AGMO: variants seen among roughly 807,000 people sequenced by gnomAD.
AGMO encodes alkylglycerol monooxygenase.
In AGMO, 75 loss-of-function variants were observed where a neutral mutation model predicts 60.2. The observed-to-expected ratio is 1.25, with a 90% CI of 1.03 to 1.51. The LOEUF is 1.51. Ranked by LOEUF, AGMO falls within the 40% of genes most tolerant of loss-of-function variation. The probability of loss-of-function intolerance (pLI) is 0.00; values close to 1 mark genes in which losing one functional copy is unlikely to be tolerated. For synonymous variants in AGMO, 261 were observed against 177.1 expected (o/e 1.47, Z -3.76); for missense variants, 763 against 525.5 (o/e 1.45, Z -4.42).
the AGMO span, among the ~76,000 whole-genome samples, chr7:15,140,615 G>C: frequency 9.2e-5 from 14 of 151,756 alleles, no homozygotes; most frequent in Non-Finnish European, 1.8e-4. Context: ...AATTTCTTCA[G>C]ATAATATTTT....
In AGMO at chr7:15,555,522, C is replaced by T. The variant is rs76384675; in HGVS notation, c.257+4619G>A. On this transcript the variant is annotated intron_variant, in intron 2 of 12. Coordinates refer to ENST00000342526, the MANE Select transcript of AGMO (RefSeq NM_001004320.2). ...ATAAGAAAGATAATATTACCTTTAC[C>T]GTCTGCAAACAAATAAAATGCGTAC... Among the ~76,000 whole-genome samples the T allele has an allele frequency of 8.1e-3, 1,229 of 151,664 alleles. 53 individuals are homozygous for T. In the East Asian group the frequency reaches 0.13, roughly 16 times the overall value.
chr7:15,455,565 C>T (rs112790832), intron 3 of AGMO, among the ~76,000 whole-genome samples: 17 of 152,214 alleles, frequency 1.1e-4, no homozygotes, highest in African/African-American at 4.1e-4. Flanking sequence ...TTTATTCCTC[C>T]TTGTCTTGCT....
chr7:15,208,749 G>C (rs73054543), intron 12 of AGMO, among the ~76,000 whole-genome samples: 7,168 of 152,152 alleles, frequency 0.047, 217 homozygotes, highest in South Asian at 0.074. Flanking sequence ...ATAAGTTCTA[G>C]CTACAAGTAG....
chr7:15,338,628 TATATA>T (rs569060720), intron 12 of AGMO, among the ~76,000 whole-genome samples: 13 of 152,034 alleles, frequency 8.6e-5, no homozygotes, highest in South Asian at 2.1e-4. Flanking sequence ...TAATAAAATA[TATATA>T]ATATTTCTAA....
chr7:15,463,426 T>G (rs932956114), intron 3 of AGMO, among the ~76,000 whole-genome samples: 6 of 152,140 alleles, frequency 3.9e-5, no homozygotes, highest in African/African-American at 1.4e-4. Flanking sequence ...CCAGAACCTC[T>G]CTTACACACT....
chr7:15,513,067 G>C (rs891055326), intron 3 of AGMO, among the ~76,000 whole-genome samples: 2 of 152,092 alleles, frequency 1.3e-5, no homozygotes, highest in African/African-American at 4.8e-5. Context: ...ATTACACATA[G>C]TTGTTTCATA....
intron 4 of AGMO, among the ~76,000 whole-genome samples, chr7:15,421,125 G>A (rs573443619): frequency 1.3e-5 from 2 of 152,244 alleles, no homozygotes; most frequent in Admixed American, 1.3e-4. Context: ...AAACATATTT[G>A]CTATTGTAGA....
chr7:15,198,234 A>G (rs1303627227), downstream of AGMO, among the ~76,000 whole-genome samples: 7 of 114,740 alleles, frequency 6.1e-5, no homozygotes, highest in Non-Finnish European at 6.8e-5. Context: ...AGAGAGAGAG[A>G]GAGAGAGAGA....
At chr7:15,162,028 T>C in the AGMO span, among the ~76,000 whole-genome samples, 1 of 152,150 alleles carries the variant, frequency 6.6e-6, no homozygotes, top group Non-Finnish European at 1.5e-5. Flanking sequence ...GACTGGATCA[T>C]GGGGACGGTT....
At chr7:15,447,677 G>A (rs370725727) in intron 3 of AGMO, among the ~76,000 whole-genome samples, 2 of 151,896 alleles carry the variant, frequency 1.3e-5, no homozygotes, top group East Asian at 3.9e-4. Flanking sequence ...GAGCCTCGCA[G>A]GTAGCTGGGA....
At chr7:15,266,572 GAT>G (rs1032782250) in intron 12 of AGMO, among the ~76,000 whole-genome samples, 5 of 151,676 alleles carry the variant, frequency 3.3e-5, no homozygotes, top group Non-Finnish European at 4.4e-5. Flanking sequence ...TCTGCTCAGT[GAT>G]TGTCAGTTTC....
At chr7:15,256,995 C>A (rs1783117987) in intron 12 of AGMO, among the ~76,000 whole-genome samples, 1 of 152,074 alleles carries the variant, frequency 6.6e-6, no homozygotes, top group Non-Finnish European at 1.5e-5. Context: ...CAAAGAGGTG[C>A]ATTTCTTTTA....
intron 3 of AGMO, among the ~76,000 whole-genome samples, chr7:15,477,324 T>C (rs1194825931): frequency 1.3e-5 from 2 of 152,054 alleles, no homozygotes; most frequent in Non-Finnish European, 2.9e-5. Flanking sequence ...TAAAATGGGT[T>C]ATAAAATATG....
intron 12 of AGMO, among the ~76,000 whole-genome samples, chr7:15,338,260 A>T (rs1156678718): frequency 6.6e-6 from 1 of 152,202 alleles, no homozygotes; most frequent in African/African-American, 2.4e-5. Context: ...ACTGCTACCA[A>T]GTTGCAAAAC....
rs182433587 is a variant in AGMO at position 15,310,649 on chromosome 7, T to C, written c.1263+54865A>G. 3.4e-4 allele frequency among the ~76,000 whole-genome samples: 51 copies of C among 152,148 alleles called. 2 individuals are homozygous for C. The highest frequency in any genetic ancestry group is 3.0e-3 in the Admixed American group (46 of 15,270). Reference sequence around the variant, plus strand: ...CTACATTCTTTATAAAATGAGGGAGTGCTTCTATTTCTGGTAAGGCAGAGT... The same window carrying C: ...CTACATTCTTTATAAAATGAGGGAGCGCTTCTATTTCTGGTAAGGCAGAGT... On this transcript the variant is annotated intron_variant, in intron 12 of 12. Transcript: ENST00000342526.
intron 12 of AGMO, among the ~76,000 whole-genome samples, chr7:15,349,214 A>G (rs1242164091): frequency 2.0e-5 from 3 of 152,114 alleles, no homozygotes; most frequent in Admixed American, 6.6e-5. Flanking sequence ...ACCTGTTGTC[A>G]TTTACATTAA....
chr7:15,473,473 G>A (rs1184625629), intron 3 of AGMO, among the ~76,000 whole-genome samples: 1 of 151,758 alleles, frequency 6.6e-6, no homozygotes, highest in Non-Finnish European at 1.5e-5. Flanking sequence ...CAATATCCCT[G>A]CTGAACATCA....
chr7:15,519,291 C>G (rs1783912457), intron 3 of AGMO, among the ~76,000 whole-genome samples: 1 of 151,348 alleles, frequency 6.6e-6, no homozygotes, highest in African/African-American at 2.4e-5. Flanking sequence ...CATTCAAATT[C>G]AGGAAATACA....
the AGMO span, among the ~76,000 whole-genome samples, chr7:15,190,626 A>C: frequency 1.3e-5 from 2 of 152,160 alleles, no homozygotes; most frequent in African/African-American, 4.8e-5. Context: ...CTCCCTTCTA[A>C]GGTTGTCCCC....
Sources: allele counts gnomAD v4.1 joint callset (sites outside exome capture counted in the v4.1 genomes callset), GRCh38; gene constraint gnomAD v4.1.1; transcripts MANE v1.5; gene names NCBI Gene and HGNC (gene_info 2026-07-23, HGNC 2026-07-21).